AGRN: variants seen among roughly 807,000 people sequenced by gnomAD.
The protein encoded by AGRN is agrin proteoglycan.
Under a neutral mutation model 211.0 loss-of-function variants are expected in AGRN, and 106 were observed. The ratio of observed to expected loss-of-function variants is 0.50; its 90% CI spans 0.43 to 0.59. AGRN has a LOEUF of 0.59. Among genes scored for constraint, AGRN ranks in the 20% least tolerant of loss-of-function variants. AGRN has a pLI of 0.00. For synonymous variants in AGRN, 1,525 were observed against 1,332.5 expected, an observed-to-expected ratio of 1.14 and a Z score of -3.15; for missense variants, 3,040 against 2,982.6, an observed-to-expected ratio of 1.02 and a Z score of -0.45.
At chr1:1,043,797 C>G in intron 9 of AGRN, 26 bp from the exon 10 acceptor site, 1 of 1,608,780 alleles carries the variant, frequency 6.2e-7, no homozygotes, top group Non-Finnish European at 8.5e-7. Flanking sequence ...GGCCTGCCGA[C>G]CCCTGCCTGG....
Position 1,053,906 on chromosome 1 carries a change from C to T in AGRN, c.5805C>T (p.Gly1935=). ...DGHLQLSYNL[G]SQPVVLRSTV... The stretch of plus-strand genomic sequence containing the variant: ...ACCTGCAACTGAGCTACAACCTGGG[C>T]TCCCAGCCCGTGGTGCTGCGTTCCA... Residue 1935 remains glycine, a synonymous_variant, in exon 34 of 36, where the codon GGC becomes GGT. Transcript: ENST00000379370. The T allele has an allele frequency of 6.2e-7, 1 of 1,607,778 alleles. No homozygotes were observed. The highest frequency in any genetic ancestry group is 8.5e-7 in the Non-Finnish European group (1 of 1,177,858).
Position 1,032,458 on chromosome 1 carries a change from T to A in AGRN, c.464-2819T>A, listed in dbSNP as rs986074156. 6.6e-6 allele frequency among the ~76,000 whole-genome samples: 1 copy of A among 151,708 alleles called. No homozygotes were observed. Among genetic ancestry groups the A allele is most frequent in the African/African-American group, 2.4e-5 (1 of 41,246 alleles). The stretch of plus-strand genomic sequence containing the variant: ...CAGGGCACCTGGAAGGAAGGAGGCG[T>A]TGGGGAGAGTCCAGATGGAGGCCAT... On this transcript the variant is annotated intron_variant, in intron 2 of 35. Coordinates refer to ENST00000379370, the MANE Select transcript of AGRN (RefSeq NM_198576.4). This position sits in a 1 kb window ranked among gnomAD's most constrained non-coding sequence, Gnocchi z 4.7.
At chr1:1,053,114 C>G in intron 33 of AGRN, 1 of 257,070 alleles carries the variant, frequency 3.9e-6, no homozygotes, top group South Asian at 4.0e-5. Context: ...CCCCTGGTCT[C>G]CACTCCATAC....
chr1:1,036,031 G>A (rs1644797797), intron 3 of AGRN, among the ~76,000 whole-genome samples: 1 of 152,116 alleles, frequency 6.6e-6, no homozygotes, highest in Non-Finnish European at 1.5e-5. Context: ...CCCTCGCCAG[G>A]CCTGGGGTCC....
At chr1:1,053,715 A>G (rs1570258797) in intron 33 of AGRN, 38 bp from the exon 34 acceptor site, 1 of 1,500,270 alleles carries the variant, frequency 6.7e-7, no homozygotes, top group African/African-American at 1.4e-5. Flanking sequence ...TCCTGTTGCC[A>G]CCTTCCTAGA....
At chr1:1,027,546 G>A (rs983800766) in intron 2 of AGRN, among the ~76,000 whole-genome samples, 1 of 152,240 alleles carries the variant, frequency 6.6e-6, no homozygotes, top group Non-Finnish European at 1.5e-5. Flanking sequence ...CCCCGTGTCT[G>A]GCAAAGGGCC....
At position 1,048,956 on chromosome 1, in the gene AGRN, G is replaced by A; in HGVS notation, c.4195G>A (p.Glu1399Lys). ...RAYHTLRLAL[E>K]FRALEPQGLL... ...CTACCACACGCTGCGCCTGGCACTG[G>A]AATTCCGGGCGCTGGAGCCTCAGGG... is the stretch of plus-strand genomic sequence containing the variant. Residue 1399 changes from glutamate to lysine, a missense_variant, in exon 24 of 36, where the codon GAA becomes AAA. Physicochemically the swap from Glu to Lys is moderately conservative, Grantham distance 56. Coordinates refer to ENST00000379370, the MANE Select transcript of AGRN (RefSeq NM_198576.4). This position sits in a 1 kb window ranked among gnomAD's most constrained non-coding sequence, Gnocchi z 5.9. 1 of 1,570,612 alleles carries A rather than the reference G, an allele frequency of 6.4e-7. No homozygotes were observed. The highest frequency in any genetic ancestry group is 8.6e-7 in the Non-Finnish European group (1 of 1,159,530).
At position 1,051,336 on chromosome 1, in the gene AGRN, C is replaced by T. The variant is rs141463750; in HGVS notation, c.5337C>T (p.Ala1779=). 121 of 1,555,200 alleles carry T rather than the reference C, an allele frequency of 7.8e-5. No individual in the cohort carries two copies. The African/African-American group carries it at 1.2e-3, about 15-fold the overall frequency. The part of the protein sequence containing the change: ...PDFSKLARAA[A]VSSGFDGAIQ... ...TCAGCAAGCTGGCCCGTGCTGCTGC[C>T]GTGTCCTCTGGCTTCGACGGTGCCA... Residue 1779 remains alanine (A), a synonymous_variant, in exon 31 of 36, where the codon GCC becomes GCT. Coordinates refer to ENST00000379370, the MANE Select transcript of AGRN (RefSeq NM_198576.4).
chr1:1,035,107 C>T, intron 2 of AGRN, 170 bp from the exon 3 acceptor site: 3 of 771,716 alleles, frequency 3.9e-6, no homozygotes, highest in East Asian at 2.6e-5. Flanking sequence ...TGTCTCAGAC[C>T]TCAGCCAGCC....
chr1:1,041,088 G>A (rs868694561), intron 4 of AGRN, 85 bp from the exon 5 acceptor site: 1 of 917,996 alleles, frequency 1.1e-6, no homozygotes, highest in Non-Finnish European at 1.4e-6. Flanking sequence ...GGGGCTGGGA[G>A]GGGCCTGGGG....
At chr1:1,024,636 G>A (rs141083347) in intron 2 of AGRN, among the ~76,000 whole-genome samples, 2 of 152,046 alleles carry the variant, frequency 1.3e-5, no homozygotes, top group Admixed American at 6.5e-5. Flanking sequence ...CCCGGACACC[G>A]CCTGAGGTGC....
In AGRN at chr1:1,046,934, A is replaced by G. The variant is rs1048772741; in HGVS notation, c.3365A>G (p.Asp1122Gly). 2 of 1,580,458 alleles carry G rather than the reference A, an allele frequency of 1.3e-6. No homozygotes were observed. Among genetic ancestry groups the G allele is most frequent in the Admixed American group, 3.7e-5 (2 of 54,358 alleles). The change falls in exon 19 of 36, where the codon GAC (aspartate) becomes GGC (glycine). Residue 1122 changes from aspartate (D) to glycine (G), a missense_variant. Asp to Gly is a moderately conservative substitution (Grantham distance 94, BLOSUM62 -1). Coordinates refer to ENST00000379370, the MANE Select transcript of AGRN (RefSeq NM_198576.4). ...CCSDGKTPSL[D>G]AEGSNCPATK... Reference sequence around the variant, plus strand: ...TCTGATGGGAAGACGCCCTCGCTGGACGCAGAGGGCTCCAACTGCCCCGGT... The same window carrying G: ...TCTGATGGGAAGACGCCCTCGCTGGGCGCAGAGGGCTCCAACTGCCCCGGT...
chr1:1,044,570 G>A (rs1023506253), intron 12 of AGRN, 131 bp downstream of exon 12: 25 of 995,514 alleles, frequency 2.5e-5, no homozygotes, highest in Non-Finnish European at 2.7e-5. Context: ...AGTGAGCATC[G>A]TCCAGTGTTG....
rs147259096 is a variant in AGRN, at chr1:1,049,998, G to A, written c.4840G>A (p.Glu1614Lys). 3,381 of 1,611,426 alleles carry A rather than the reference G, an allele frequency of 2.1e-3. 6 individuals are homozygous for A. Among genetic ancestry groups the A allele is most frequent in the Non-Finnish European group, 2.7e-3 (3,159 of 1,179,584 alleles). Residue 1614 changes from glutamate (E) to lysine (K), a missense_variant, in exon 27 of 36, where the codon GAG (glutamate) becomes AAG (lysine). Physicochemically the swap from Glu to Lys is moderately conservative, Grantham distance 56 (BLOSUM62 1). This residue lies in a region of AGRN where 1,537 missense variants were observed against 1,505.0 expected (regional missense o/e 1.02). Transcript: ENST00000379370. Reference sequence around the variant, plus strand: ...GCTGCCCGAGGGTGGTGCTCAGTGCGAGTGCCCCCTGGGGCGTGAGGGCAC... The same window carrying A: ...GCTGCCCGAGGGTGGTGCTCAGTGCAAGTGCCCCCTGGGGCGTGAGGGCAC... ...RVLPEGGAQC[E>K]CPLGREGTFC...
Position 1,048,960 on chromosome 1 carries a change from TC to T in AGRN, c.4201del (p.Arg1401GlyfsTer26). On this transcript the variant is annotated frameshift_variant, in exon 24 of 36. Transcript: ENST00000379370. LOFTEE classifies it high-confidence loss of function. This position sits in a 1 kb window ranked among gnomAD's most constrained non-coding sequence, Gnocchi z 5.9. ...CACACGCTGCGCCTGGCACTGGAAT[TC>T]CGGGCGCTGGAGCCTCAGGGGCTGC... Reference protein sequence around the residue: ...AYHTLRLALEFRALEPQGLLL... With the variant: ...AYHTLRLALEXRALEPQGLLL... 6.4e-7 allele frequency: 1 copy of T among 1,571,308 alleles called. No homozygotes were observed. The highest frequency in any genetic ancestry group is 8.6e-7 in the Non-Finnish European group (1 of 1,160,004).
In AGRN at chr1:1,031,627, C is replaced by T. The variant is rs139917516; in HGVS notation, c.464-3650C>T. 5.2e-3 allele frequency among the ~76,000 whole-genome samples: 789 copies of T among 152,300 alleles called. 7 individuals are homozygous for T. The highest frequency in any genetic ancestry group is 5.7e-3 in the Non-Finnish European group (386 of 68,000). On this transcript the variant is annotated intron_variant, in intron 2 of 35. Transcript: ENST00000379370. The surrounding 1 kb of genome is among the most constrained non-coding windows in gnomAD (Gnocchi z 4.8). ...CGGCCTGGGGCAGCCAGGCCCCCCA[C>T]GTGACTTTCAGCTTGTTGGGCCCCC...
rs374845515 is a variant in AGRN at position 1,053,354 on chromosome 1, A to G, written c.5652-399A>G. On this transcript the variant is annotated intron_variant, in intron 33 of 35. Transcript: ENST00000379370. ...CGGCCAGTGATCCTCGAGGTCACGC[A>G]TGTCTTCTGTGGGTGCCTGCTCCTT... 2.6e-5 allele frequency: 27 copies of G among 1,039,136 alleles called. No homozygotes were observed. In the African/African-American group the frequency reaches 4.2e-4, roughly 16 times the overall value. The allele number at this position is 1,039,136 out of a possible 1,614,324, so 64.4% of individuals were successfully genotyped here.
rs1451237583 is a variant in AGRN at position 1,049,319 on chromosome 1, G to A, written c.4382G>A (p.Arg1461Gln). 8.8e-6 allele frequency: 14 copies of A among 1,597,784 alleles called. No individual in the cohort carries two copies. The highest frequency in any genetic ancestry group is 7.7e-5 in the South Asian group (7 of 90,610). Residue 1461 changes from arginine to glutamine, a missense_variant, in exon 25 of 36, where the codon CGG (arginine) becomes CAG (glutamine). Coordinates refer to ENST00000379370, the MANE Select transcript of AGRN (RefSeq NM_198576.4). Reference sequence around the variant, plus strand: ...CAGTGGCACCGCCTGGAGCTGTCCCGGCACTGGCGCCGGGGCACCCTCTCG... The same window carrying A: ...CAGTGGCACCGCCTGGAGCTGTCCCAGCACTGGCGCCGGGGCACCCTCTCG... ...PGQWHRLELS[R>Q]HWRRGTLSVD...
At position 1,051,378 on chromosome 1, in the gene AGRN, G is replaced by A. The variant is rs774988688; in HGVS notation, c.5370+9G>A. On this transcript the variant is annotated intron_variant, in intron 31 of 35. Transcript: ENST00000379370. ...ACGGTGCCATCCAGCTGGTATGTGG[G>A]GGCGGGGCGTCCCAGCAGGGCCTCC... The A allele has an allele frequency of 9.8e-5, 153 of 1,558,380 alleles. No homozygotes were observed. The highest frequency in any genetic ancestry group is 1.2e-4 in the Non-Finnish European group (142 of 1,153,342).
Sources: allele counts gnomAD v4.1 joint callset (sites outside exome capture counted in the v4.1 genomes callset), GRCh38; gene constraint gnomAD v4.1.1; regional missense constraint gnomAD v4.1.1; non-coding constraint Gnocchi (gnomAD v3.1); transcripts MANE v1.5; gene names NCBI Gene and HGNC (gene_info 2026-07-23, HGNC 2026-07-21).